The following ZNF606 variants were observed in gnomAD, a reference collection of about 807,000 sequenced individuals.
ZNF606 encodes zinc finger protein 606.
A neutral mutation model predicts 74.9 loss-of-function variants in ZNF606; 37 were observed. The observed-to-expected ratio is 0.49, with a 90% CI of 0.38 to 0.65. The LOEUF (loss-of-function observed/expected upper bound fraction) is 0.65, where lower values mean the gene tolerates loss of function less well. Among genes scored for constraint, ZNF606 ranks in the 30% least tolerant of loss-of-function variants. ZNF606 has a pLI of 0.00. For missense variants in ZNF606, 852 were observed against 952.9 expected, an observed-to-expected ratio of 0.89 and a Z score of 1.39; for synonymous variants, 328 against 312.4, an observed-to-expected ratio of 1.05 and a Z score of -0.53.
At chr19:57,982,479 T>G (rs906831461) in intron 6 of ZNF606, among the ~76,000 whole-genome samples, 2 of 152,176 alleles carry the variant, frequency 1.3e-5, no homozygotes, top group Non-Finnish European at 2.9e-5. Flanking sequence ...TTCTGGAGAT[T>G]AGGATGCAGA....
chr19:57,991,809 A>AAATAAATAAATAAATG (rs2073266164), intron 4 of ZNF606, among the ~76,000 whole-genome samples: 2 of 150,656 alleles, frequency 1.3e-5, no homozygotes, highest in South Asian at 2.1e-4. Flanking sequence ...ATAAATAAAT[A>AAATAAATAAATAAATG]AATGTAATAT....
intron 2 of ZNF606, 28 bp from the exon 3 acceptor site, chr19:58,000,767 T>G (rs1429326780): frequency 6.5e-7 from 1 of 1,531,612 alleles, no homozygotes; most frequent in African/African-American, 1.4e-5. Flanking sequence ...GTTAGGACTG[T>G]GACACCAAAC....
chr19:57,991,061 G>C (rs1374621925), intron 4 of ZNF606, among the ~76,000 whole-genome samples: 1 of 152,038 alleles, frequency 6.6e-6, no homozygotes, highest in East Asian at 1.9e-4. Flanking sequence ...GCTTCTGACA[G>C]TCCATCTCCT....
rs773329139 is a variant in ZNF606 at position 57,988,669 on chromosome 19, C to T, written c.230G>A (p.Gly77Glu). ...VAVDFTQEEW[G>E]QLDLVQRTLY... The stretch of plus-strand genomic sequence containing the variant: ...GGTCCTCTGAACAAGGTCCAGCTGC[C>T]CCCACTCTTCTTGGGTGAAGTCCAC... Residue 77 changes from glycine to glutamate, a missense_variant, in exon 5 of 7, where the codon GGG becomes GAG. Gly to Glu is a moderately conservative substitution (Grantham distance 98). Coordinates refer to ENST00000551380, the MANE Select transcript of ZNF606 (RefSeq NM_001348022.3). 7.4e-6 allele frequency: 12 copies of T among 1,613,982 alleles called. No homozygotes were observed. The highest frequency in any genetic ancestry group is 5.3e-5 in the African/African-American group (4 of 74,894).
At chr19:57,988,451 T>G (rs2073198564) in intron 5 of ZNF606, 144 bp downstream of exon 5, 1 of 1,400,692 alleles carries the variant, frequency 7.1e-7, no homozygotes, top group Admixed American at 2.1e-5. Context: ...GCATTAGGAG[T>G]TTCATCCCTG....
At chr19:57,999,935 T>C in intron 3 of ZNF606, 39 bp from the exon 4 acceptor site, 1 of 1,596,420 alleles carries the variant, frequency 6.3e-7, no homozygotes, top group Non-Finnish European at 8.6e-7. Flanking sequence ...CAGCTCTCGC[T>C]GCCAGGAGCT....
In ZNF606 at chr19:57,980,155, T is replaced by C; in HGVS notation, c.525A>G (p.Glu175=). The C allele has an allele frequency of 6.2e-7, 1 of 1,614,196 alleles. No homozygotes were observed. Among genetic ancestry groups the C allele is most frequent in the South Asian group, 1.1e-5 (1 of 91,086 alleles). ...CTAATTGGTCTTTACATCCCAAAAC[T>C]TCTAACCTGGAGAACCAAGGATCAT... ...IWDDPWFSRL[E]VLGCKDQLEM... The change falls in exon 7 of 7, where the codon GAA becomes GAG. Residue 175 remains glutamate (E), a synonymous_variant. Transcript: ENST00000551380.
At chr19:57,999,755 G>C (rs747447745) in intron 4 of ZNF606, 53 bp downstream of exon 4, 1 of 1,562,276 alleles carries the variant, frequency 6.4e-7, no homozygotes, top group South Asian at 1.1e-5. Context: ...CAACTGGGAT[G>C]ACCAGGGATA....
intron 6 of ZNF606, among the ~76,000 whole-genome samples, chr19:57,983,876 A>T (rs1397174991): frequency 1.3e-5 from 2 of 152,236 alleles, no homozygotes; most frequent in African/African-American, 4.8e-5. Flanking sequence ...AACAATAGAA[A>T]AAATAGAAGG....
chr19:58,001,296 G>A lies in ZNF606; in HGVS notation c.24C>T (p.Ala8=), dbSNP rs766289421. ...AACACAACTTGGACTCACCCCAGGA[G>A]GCCCACGGGTTGATGGCTGCCATCC... MAAINPW[A]SWGALTDQSW... is the part of the protein sequence containing the mutation. The change falls in exon 2 of 7, where the codon GCC becomes GCT. Residue 8 remains alanine, a synonymous_variant. Transcript: ENST00000551380. The A allele has an allele frequency of 8.9e-5, 144 of 1,614,002 alleles. No homozygotes were observed. Among genetic ancestry groups the A allele is most frequent in the Non-Finnish European group, 3.4e-6 (4 of 1,180,028 alleles).
At chr19:57,988,834 C>A in intron 4 of ZNF606, 113 bp from the exon 5 acceptor site, 1 of 1,533,406 alleles carries the variant, frequency 6.5e-7, no homozygotes. Flanking sequence ...GAGAAACTCT[C>A]CTGGTTATTC....
intron 4 of ZNF606, among the ~76,000 whole-genome samples, chr19:57,989,835 G>C (rs573847320): frequency 4.0e-5 from 6 of 151,106 alleles, no homozygotes; most frequent in East Asian, 4.0e-4. Flanking sequence ...GGCGGATCAC[G>C]AGCTCAGGAG....
chr19:58,001,166 T>G (rs889192873), intron 2 of ZNF606, 123 bp downstream of exon 2: 3 of 1,187,784 alleles, frequency 2.5e-6, no homozygotes, highest in Non-Finnish European at 3.6e-6. Context: ...CAGTTCTAAT[T>G]TTGTACCAAG....
At chr19:57,995,768 G>A (rs2073330884) in intron 4 of ZNF606, among the ~76,000 whole-genome samples, 2 of 151,972 alleles carry the variant, frequency 1.3e-5, no homozygotes, top group Non-Finnish European at 2.9e-5. Context: ...GCAGTGAGCT[G>A]AGATCATGCC....
At chr19:57,996,618 C>T (rs1256655864) in intron 4 of ZNF606, among the ~76,000 whole-genome samples, 2 of 152,162 alleles carry the variant, frequency 1.3e-5, no homozygotes, top group Non-Finnish European at 2.9e-5. Flanking sequence ...AGACAGGAAC[C>T]TAGTCTCACA....
At chr19:57,980,304 T>C (rs373005004) in intron 6 of ZNF606, 25 bp from the exon 7 acceptor site, 16 of 1,575,198 alleles carry the variant, frequency 1.0e-5, no homozygotes, top group African/African-American at 2.7e-5. Context: ...AAAAAAGCTA[T>C]GAGAGCATAG....
At chr19:57,981,770 C>T (rs1325131637) in intron 6 of ZNF606, among the ~76,000 whole-genome samples, 2 of 152,230 alleles carry the variant, frequency 1.3e-5, no homozygotes, top group Admixed American at 6.5e-5. Context: ...TAAAGTTACA[C>T]TTCTATCCAC....
At chr19:58,003,252 A>G, upstream of ZNF606, 1 of 456,726 alleles carries the variant, frequency 2.2e-6, no homozygotes, top group Non-Finnish European at 4.4e-6. Flanking sequence ...GTGAAGCTCG[A>G]CGGCTGAGAA....
intron 4 of ZNF606, among the ~76,000 whole-genome samples, chr19:57,994,966 G>A (rs936300599): frequency 3.9e-5 from 6 of 151,906 alleles, no homozygotes; most frequent in African/African-American, 1.5e-4. Flanking sequence ...GGTGAATCAC[G>A]AGGTCAAGAG....
Sources: gnomAD v4.1 joint callset for allele counts (sites outside exome capture counted in the v4.1 genomes callset) on GRCh38, gnomAD v4.1.1 for gene constraint, MANE v1.5 for transcripts, NCBI Gene and HGNC (gene_info 2026-07-23, HGNC 2026-07-21) for gene names.